PDE11A: variants seen among roughly 807,000 people sequenced by gnomAD.
PDE11A encodes the protein phosphodiesterase 11A.
Under a neutral mutation model 100.5 loss-of-function variants are expected in PDE11A, and 100 were observed. The ratio of observed to expected loss-of-function variants is 1.00; its 90% CI spans 0.85 to 1.18. The LOEUF is 1.18. Among genes scored for constraint, PDE11A ranks in the 50% most tolerant of loss-of-function variants. The pLI is 0.00. For synonymous variants in PDE11A, 381 were observed against 420.8 expected, an observed-to-expected ratio of 0.91 and a Z score of 1.16; for missense variants, 1,141 against 1,152.6, an observed-to-expected ratio of 0.99 and a Z score of 0.15.
chr2:178,060,790 CAACCCTCTAGTTGGATGTTT>C (rs1298787783), intron 1 of PDE11A, among the ~76,000 whole-genome samples: 137 of 152,076 alleles, frequency 9.0e-4, no homozygotes, highest in African/African-American at 3.1e-3. Flanking sequence ...TTGATTCATC[CAACCCTCTAGTTGGATGTTT>C]GGATTGATAA....
intron 10 of PDE11A, among the ~76,000 whole-genome samples, chr2:177,768,002 C>T (rs2105499684): frequency 6.6e-6 from 1 of 152,244 alleles, no homozygotes; most frequent in South Asian, 2.1e-4. Context: ...CTCTTGGTGG[C>T]ACCCTATCTC....
intron 7 of PDE11A, among the ~76,000 whole-genome samples, chr2:177,819,890 C>CTCTCTCTCTCTCTCTG (rs1558954590): frequency 2.6e-4 from 36 of 138,820 alleles, no homozygotes; most frequent in African/African-American, 9.6e-4. Flanking sequence ...CTCTCTCTCT[C>CTCTCTCTCTCTCTCTG]TCTCTGTCTC....
chr2:178,024,527 C>T (rs546690921), intron 1 of PDE11A, among the ~76,000 whole-genome samples: 4 of 152,320 alleles, frequency 2.6e-5, no homozygotes, highest in Non-Finnish European at 5.9e-5. Context: ...CATACACTTT[C>T]CCTGAAGGCT....
At chr2:177,983,695 G>A (rs2085909942) in intron 2 of PDE11A, among the ~76,000 whole-genome samples, 1 of 152,084 alleles carries the variant, frequency 6.6e-6, no homozygotes, top group South Asian at 2.1e-4. Flanking sequence ...TGTATGTTCT[G>A]GGTTTCTTAA....
At chr2:177,807,718 G>T (rs181532563) in intron 9 of PDE11A, among the ~76,000 whole-genome samples, 4 of 152,148 alleles carry the variant, frequency 2.6e-5, no homozygotes, top group African/African-American at 9.7e-5. Flanking sequence ...GAGCCACCAG[G>T]CCTGGCAAAA....
intron 9 of PDE11A, among the ~76,000 whole-genome samples, chr2:177,795,973 A>ATATATATATATC (rs1553475866): frequency 2.3e-5 from 3 of 129,394 alleles, no homozygotes; most frequent in Non-Finnish European, 3.3e-5. Flanking sequence ...ATATATATAT[A>ATATATATATATC]TATCTTTGCT....
chr2:177,879,466 C>G (rs1035577938), intron 4 of PDE11A, among the ~76,000 whole-genome samples: 1 of 152,092 alleles, frequency 6.6e-6, no homozygotes, highest in Non-Finnish European at 1.5e-5. Flanking sequence ...ATGTGTCAGG[C>G]AGTGTAGTGT....
rs752875894 is a variant in PDE11A, at chr2:178,014,287, G to A, written c.1071+15C>T. 6.3e-7 allele frequency: 1 copy of A among 1,591,930 alleles called. No individual in the cohort carries two copies. The highest frequency in any genetic ancestry group is 8.6e-7 in the Non-Finnish European group (1 of 1,159,998). On this transcript the variant is annotated intron_variant, in intron 2 of 19. Coordinates refer to ENST00000286063, the MANE Select transcript of PDE11A (RefSeq NM_016953.4). Reference sequence around the variant, plus strand: ...AAGAAGAAAAGTACAACTCACAAAAGGCATGAAATCTTACTTTTTCATCAT... The same window carrying A: ...AAGAAGAAAAGTACAACTCACAAAAAGCATGAAATCTTACTTTTTCATCAT...
intron 2 of PDE11A, among the ~76,000 whole-genome samples, chr2:177,946,490 CG>C (rs1456017800): frequency 0.016 from 5 of 310 alleles, 2 homozygotes; most frequent in Non-Finnish European, 0.036. Context: ...CCAGCCGCCC[CG>C]TCCCGGGAAG....
chr2:177,674,855 A>G (rs941274), intron 17 of PDE11A, among the ~76,000 whole-genome samples: 106,918 of 152,134 alleles, frequency 0.7, 38,618 homozygotes, highest in Admixed American at 0.8. Context: ...TAAAACGCAC[A>G]TAACGATTAA....
intron 1 of PDE11A, among the ~76,000 whole-genome samples, chr2:178,065,089 C>T (rs1166838378): frequency 6.6e-6 from 1 of 152,100 alleles, no homozygotes; most frequent in Non-Finnish European, 1.5e-5. Flanking sequence ...TGACCAGGAA[C>T]TGAAACTTCT....
At chr2:177,785,523 A>G (rs77140602) in intron 9 of PDE11A, among the ~76,000 whole-genome samples, 1 of 152,186 alleles carries the variant, frequency 6.6e-6, no homozygotes, top group South Asian at 2.1e-4. Context: ...AGGGAGTGCC[A>G]GACAGTGGGT....
At chr2:177,948,507 A>G (rs2085470654) in intron 2 of PDE11A, among the ~76,000 whole-genome samples, 1 of 152,232 alleles carries the variant, frequency 6.6e-6, no homozygotes, top group Non-Finnish European at 1.5e-5. Flanking sequence ...ATTTTTCATT[A>G]ACTTTCACTT....
rs1424759105 is a variant in PDE11A, at chr2:178,107,890, T to C, written c.-14+364A>G. On this transcript the variant is annotated intron_variant, in intron 1 of 20. Transcript: ENST00000358450. ...GCATGCACCACTATGCCTGGATAAT[T>C]TTTGTATTTTTAGTAGAGACGGGGT... Among the ~76,000 whole-genome samples the C allele has an allele frequency of 2.0e-5, 3 of 151,946 alleles. No individual in the cohort carries two copies. In the East Asian group the frequency reaches 5.8e-4, roughly 29 times the overall value.
At chr2:177,703,509 A>C (rs1282759259) in intron 13 of PDE11A, among the ~76,000 whole-genome samples, 2 of 152,212 alleles carry the variant, frequency 1.3e-5, no homozygotes, top group African/African-American at 2.4e-5. Context: ...TCAATGAAAG[A>C]AGATTTCAAA....
At chr2:178,007,846 A>G (rs2086229948) in intron 2 of PDE11A, among the ~76,000 whole-genome samples, 1 of 152,066 alleles carries the variant, frequency 6.6e-6, no homozygotes, top group Non-Finnish European at 1.5e-5. Flanking sequence ...CTGGGATTAC[A>G]GACATGTGCC....
intron 2 of PDE11A, among the ~76,000 whole-genome samples, chr2:178,096,097 T>C (rs1251688149): frequency 6.6e-6 from 1 of 152,096 alleles, no homozygotes; most frequent in Non-Finnish European, 1.5e-5. Flanking sequence ...GGCAATTAAC[T>C]CCTTGTTACT....
intron 12 of PDE11A, among the ~76,000 whole-genome samples, chr2:177,716,539 T>C (rs1440733108): frequency 6.6e-6 from 1 of 152,166 alleles, no homozygotes; most frequent in Non-Finnish European, 1.5e-5. Flanking sequence ...TTGAGGATGA[T>C]TTTTGAGAAG....
intron 1 of PDE11A, among the ~76,000 whole-genome samples, chr2:178,051,939 C>T (rs1193866493): frequency 2.0e-5 from 3 of 152,140 alleles, no homozygotes; most frequent in Non-Finnish European, 4.4e-5. Flanking sequence ...CCACTGTCAA[C>T]ATTAGACAGA....
Sources: allele counts gnomAD v4.1 joint callset (sites outside exome capture counted in the v4.1 genomes callset), GRCh38; gene constraint gnomAD v4.1.1; transcripts MANE v1.5; gene names NCBI Gene and HGNC (gene_info 2026-07-23, HGNC 2026-07-21).